Variants in ZMYM2 observed in about 807,000 individuals in gnomAD.
The protein encoded by ZMYM2 is zinc finger MYM-type containing 2, also known as zinc finger MYM-type protein 2.
In ZMYM2, 56 loss-of-function variants were observed where a neutral mutation model predicts 162.8. That is an observed-to-expected ratio of 0.34 (90% confidence interval 0.28 to 0.43). The LOEUF is 0.43. Among genes scored for constraint, ZMYM2 ranks in the 20% least tolerant of loss-of-function variants. The pLI, the probability that ZMYM2 is intolerant of heterozygous loss-of-function variation, is 1.00. For synonymous variants in ZMYM2, 510 were observed against 541.6 expected (o/e 0.94, Z 0.81); for missense variants, 1,275 against 1,621.8 (o/e 0.79, Z 3.67).
the ZMYM2 span, among the ~76,000 whole-genome samples, chr13:19,940,415 A>G: frequency 6.6e-6 from 1 of 152,232 alleles, no homozygotes; most frequent in African/African-American, 2.4e-5. Flanking sequence ...CAAAATCACT[A>G]CATTTTCCCC....
chr13:19,989,388 C>G (rs1949426925), intron 2 of ZMYM2, among the ~76,000 whole-genome samples: 1 of 152,164 alleles, frequency 6.6e-6, no homozygotes, highest in Non-Finnish European at 1.5e-5. Context: ...CCTGCAACCT[C>G]CATGTCCCAG....
At chr13:19,935,366 A>G in the ZMYM2 span, among the ~76,000 whole-genome samples, 1 of 150,422 alleles carries the variant, frequency 6.6e-6, no homozygotes, top group Non-Finnish European at 1.5e-5. Context: ...TGAACTCCTG[A>G]CCTCAAGTGA....
intron 9 of ZMYM2, 52 bp from the exon 10 acceptor site, chr13:20,031,267 T>G: frequency 7.8e-7 from 1 of 1,280,630 alleles, no homozygotes; most frequent in East Asian, 2.4e-5. Flanking sequence ...TAATCACAAA[T>G]AGAAATTCAA....
intron 12 of ZMYM2, among the ~76,000 whole-genome samples, chr13:20,045,516 A>ATAT (rs1954689023): frequency 6.6e-6 from 1 of 152,214 alleles, no homozygotes; most frequent in South Asian, 2.1e-4. Context: ...TTGTTTATGG[A>ATAT]TATTAGTGTT....
upstream of ZMYM2, among the ~76,000 whole-genome samples, chr13:19,954,529 G>T (rs562342839): frequency 1.3e-5 from 2 of 152,220 alleles, no homozygotes; most frequent in East Asian, 3.9e-4. Flanking sequence ...CTGGAGCCAA[G>T]AATCCTAGGG....
intron 21 of ZMYM2, chr13:20,070,481 T>C (rs1233255655): frequency 6.4e-6 from 1 of 155,148 alleles, no homozygotes; most frequent in African/African-American, 2.4e-5. Flanking sequence ...ATAGGATGCA[T>C]ATTCTTCATA....
In ZMYM2 at chr13:19,965,280, G is replaced by A. The variant is rs1284564453; in HGVS notation, c.-11+5254G>A. Reference sequence around the variant, plus strand: ...CTGGATACCATCTCTGGACTTACTAGTGTAAGAATTGACAACTAAATTTTT... The same window carrying A: ...CTGGATACCATCTCTGGACTTACTAATGTAAGAATTGACAACTAAATTTTT... On this transcript the variant is annotated intron_variant, in intron 2 of 24. Transcript: ENST00000610343. 3.9e-6 allele frequency: 5 copies of A among 1,294,582 alleles called. No individual in the cohort carries two copies. The African/African-American group carries it at 6.1e-5, about 16-fold the overall frequency. 80.2% of individuals were successfully genotyped at this position (1,294,582 alleles called of 1,614,324 possible).
chr13:19,895,168 G>C, the ZMYM2 span, among the ~76,000 whole-genome samples: 1 of 151,392 alleles, frequency 6.6e-6, no homozygotes, highest in African/African-American at 2.4e-5. Context: ...ATGTTGATGT[G>C]CATGTGGAGA....
At chr13:20,033,379 C>G (rs1334933418) in intron 10 of ZMYM2, among the ~76,000 whole-genome samples, 1 of 152,028 alleles carries the variant, frequency 6.6e-6, no homozygotes, top group African/African-American at 2.4e-5. Context: ...GAGCGTGTCC[C>G]CCTGGGAGAT....
At chr13:20,053,092 C>G (rs1955506299) in intron 14 of ZMYM2, among the ~76,000 whole-genome samples, 1 of 152,090 alleles carries the variant, frequency 6.6e-6, no homozygotes, top group Non-Finnish European at 1.5e-5. Flanking sequence ...TTACTAATGA[C>G]TACTAAAGAT....
At chr13:20,015,992 T>C (rs1367409934) in intron 6 of ZMYM2, among the ~76,000 whole-genome samples, 1 of 151,994 alleles carries the variant, frequency 6.6e-6, no homozygotes, top group African/African-American at 2.4e-5. Context: ...GATAATTTGA[T>C]CCATGTACAT....
chr13:20,066,755 A>C (rs964335892), intron 19 of ZMYM2, 96 bp from the exon 20 acceptor site: 2 of 1,242,760 alleles, frequency 1.6e-6, no homozygotes, highest in African/African-American at 1.6e-5. Context: ...CTCAAGGGTC[A>C]ATTGTAATTT....
chr13:20,071,012 T>C (rs9506423), intron 21 of ZMYM2: 147,043 of 152,870 alleles, frequency 0.96, 70,981 homozygotes, highest in East Asian at 1. Context: ...TGGAAGAACT[T>C]GCACTGCCTG....
chr13:19,912,935 T>G, the ZMYM2 span, among the ~76,000 whole-genome samples: 3 of 152,168 alleles, frequency 2.0e-5, no homozygotes, highest in African/African-American at 7.2e-5. Context: ...GTGGATCTGT[T>G]TGGATTTTGG....
the ZMYM2 span, among the ~76,000 whole-genome samples, chr13:19,890,296 A>G: frequency 6.6e-6 from 1 of 151,626 alleles, no homozygotes. Flanking sequence ...GCTCTTGAGT[A>G]GCTGGGACTA....
At chr13:19,972,131 T>G (rs892104865) in intron 2 of ZMYM2, among the ~76,000 whole-genome samples, 1 of 152,220 alleles carries the variant, frequency 6.6e-6, no homozygotes, top group African/African-American at 2.4e-5. Flanking sequence ...CATGTATTTA[T>G]TAGATCAAAG....
At chr13:19,992,213 T>C (rs1164559700) in intron 2 of ZMYM2, among the ~76,000 whole-genome samples, 1 of 152,086 alleles carries the variant, frequency 6.6e-6, no homozygotes, top group Non-Finnish European at 1.5e-5. Context: ...AAAGATTTAA[T>C]TGTACAATTA....
chr13:19,879,903 G>GT, the ZMYM2 span, among the ~76,000 whole-genome samples: 2 of 152,204 alleles, frequency 1.3e-5, no homozygotes, highest in African/African-American at 4.8e-5. Flanking sequence ...ACTAATGTGC[G>GT]TAAGCATTCT....
At chr13:19,869,622 T>C in the ZMYM2 span, among the ~76,000 whole-genome samples, 1 of 151,936 alleles carries the variant, frequency 6.6e-6, no homozygotes, top group Non-Finnish European at 1.5e-5. Context: ...ATCCTGTCTC[T>C]ACAAAAAAAC....
Sources: gnomAD v4.1 joint callset for allele counts (sites outside exome capture counted in the v4.1 genomes callset) on GRCh38, gnomAD v4.1.1 for gene constraint, MANE v1.5 for transcripts, NCBI Gene and HGNC (gene_info 2026-07-23, HGNC 2026-07-21) for gene names.